The following MFN1 variants were observed in gnomAD, a reference collection of about 807,000 sequenced individuals.
MFN1 encodes the protein mitofusin 1.
MFN1 carries 65 observed loss-of-function variants against 92.4 expected under a neutral mutation model. The observed-to-expected ratio is 0.70, with a 90% CI of 0.58 to 0.86. The LOEUF (loss-of-function observed/expected upper bound fraction) is 0.86, where lower values mean the gene tolerates loss of function less well. Ranked by LOEUF, MFN1 falls within the 40% of genes least tolerant of loss-of-function variation. The pLI is 0.00. For synonymous variants in MFN1, 297 were observed against 300.9 expected (o/e 0.99, Z 0.13); for missense variants, 781 against 868.0 (o/e 0.90, Z 1.26).
intron 14 of MFN1, among the ~76,000 whole-genome samples, chr3:179,379,991 T>C (rs2108551344): frequency 6.6e-6 from 1 of 152,322 alleles, no homozygotes; most frequent in South Asian, 2.1e-4. Flanking sequence ...TCCATCAGCA[T>C]TGCAGTGAAC....
rs186780387 is a variant in MFN1 at position 179,385,898 on chromosome 3, A to T, written c.1815+177A>T. Among the ~76,000 whole-genome samples the T allele has an allele frequency of 1.1e-4, 16 of 152,338 alleles. No homozygotes were observed. In the East Asian group the frequency reaches 2.5e-3, roughly 24 times the overall value. On this transcript the variant is annotated intron_variant, in intron 15 of 17. Coordinates refer to ENST00000471841, the MANE Select transcript of MFN1 (RefSeq NM_033540.3). ...ATCACAAGTTTCATCTTAAATTTTTAAAAAACATACATCTTTAGGAATGAA... is the reference window on the plus strand; with the variant it reads ...ATCACAAGTTTCATCTTAAATTTTTTAAAAACATACATCTTTAGGAATGAA...
intron 14 of MFN1, among the ~76,000 whole-genome samples, chr3:179,382,533 T>C (rs572907220): frequency 1.3e-3 from 194 of 152,328 alleles, no homozygotes; most frequent in Non-Finnish European, 2.3e-3. Flanking sequence ...AGTAAACATA[T>C]GTGTGCATGT....
intron 3 of MFN1, among the ~76,000 whole-genome samples, chr3:179,353,345 C>T (rs1176229756): frequency 6.6e-6 from 1 of 151,568 alleles, no homozygotes; most frequent in African/African-American, 2.4e-5. Context: ...GGATTACAGG[C>T]GTGAGCCACC....
At chr3:179,352,763 T>G (rs1036232848) in intron 3 of MFN1, among the ~76,000 whole-genome samples, 1 of 148,818 alleles carries the variant, frequency 6.7e-6, no homozygotes, top group African/African-American at 2.4e-5. Context: ...ATTTTTTTTT[T>G]CCCCCTGAGA....
At chr3:179,378,048 A>G (rs1322454546) in intron 12 of MFN1, among the ~76,000 whole-genome samples, 1 of 152,042 alleles carries the variant, frequency 6.6e-6, no homozygotes, top group Non-Finnish European at 1.5e-5. Flanking sequence ...CAACAAGAGC[A>G]AAACTCTATC....
chr3:179,373,876 T>C (rs1357090106), intron 9 of MFN1, among the ~76,000 whole-genome samples: 1 of 152,018 alleles, frequency 6.6e-6, no homozygotes, highest in African/African-American at 2.4e-5. Context: ...GGTTTCACCA[T>C]GTTAGCCTGG....
intron 16 of MFN1, among the ~76,000 whole-genome samples, chr3:179,387,473 A>G (rs1192835177): frequency 6.6e-6 from 1 of 151,476 alleles, no homozygotes; most frequent in Non-Finnish European, 1.5e-5. Context: ...TTGACCCTGG[A>G]AGGCAGAGGT....
chr3:179,385,487 T>A (rs931518552), intron 14 of MFN1, 82 bp from the exon 15 acceptor site: 161 of 1,270,700 alleles, frequency 1.3e-4, no homozygotes, highest in Non-Finnish European at 1.8e-5. Context: ...ATAGATGTGC[T>A]ACTATAATTT....
chr3:179,358,096 C>G (rs532980224), intron 3 of MFN1, among the ~76,000 whole-genome samples: 67 of 151,878 alleles, frequency 4.4e-4, no homozygotes, highest in African/African-American at 1.6e-3. Context: ...GATAGAAGAA[C>G]CTGCATTGTC....
Position 179,386,571 on chromosome 3 carries a change from GA to G in MFN1, c.1959del (p.Lys653AsnfsTer2). The stretch of plus-strand genomic sequence containing the variant: ...ACAGCAGTTTGTAAACTATGCAACT[GA>G]AAAACTGAGGATGATTGTTAGCTCC... ...FKQQFVNYAT[E>X]KLRMIVSSTS... On this transcript the variant is annotated frameshift_variant, in exon 16 of 18. Transcript: ENST00000471841. LOFTEE classifies it high-confidence loss of function. 6.2e-7 allele frequency: 1 copy of G among 1,614,000 alleles called. No homozygotes were observed. Among genetic ancestry groups the G allele is most frequent in the Non-Finnish European group, 8.5e-7 (1 of 1,179,970 alleles).
At chr3:179,357,316 C>T (rs942878640) in intron 3 of MFN1, among the ~76,000 whole-genome samples, 10 of 152,142 alleles carry the variant, frequency 6.6e-5, no homozygotes, top group African/African-American at 2.2e-4. Flanking sequence ...GTCCAGACCC[C>T]GGCATGTAAT....
intron 8 of MFN1, 48 bp from the exon 9 acceptor site, chr3:179,367,988 A>G (rs776717453): frequency 1.0e-5 from 13 of 1,274,588 alleles, no homozygotes; most frequent in Non-Finnish European, 1.3e-5. Flanking sequence ...ACCAGAAAAC[A>G]TATCTTGCTA....
intron 3 of MFN1, among the ~76,000 whole-genome samples, chr3:179,358,151 T>TG (rs1001500921): frequency 1.5e-4 from 2 of 12,910 alleles, no homozygotes; most frequent in Non-Finnish European, 3.2e-4. Flanking sequence ...ACTCATTTTG[T>TG]TTTTTTTTTT....
At chr3:179,378,151 G>A (rs533996851) in intron 12 of MFN1, 190 bp from the exon 13 acceptor site, 23 of 572,190 alleles carry the variant, frequency 4.0e-5, no homozygotes, top group African/African-American at 3.4e-4. Context: ...GTGAGCCTAG[G>A]AGGTCAAGGC....
At chr3:179,356,926 G>T (rs1048560184) in intron 3 of MFN1, among the ~76,000 whole-genome samples, 1 of 152,128 alleles carries the variant, frequency 6.6e-6, no homozygotes, top group Non-Finnish European at 1.5e-5. Context: ...GAGGAGATGG[G>T]GGGGAACCTT....
chr3:179,352,365 A>G (rs746776129), intron 3 of MFN1, among the ~76,000 whole-genome samples: 19 of 152,250 alleles, frequency 1.2e-4, no homozygotes, highest in South Asian at 4.1e-4. Context: ...TGAAAGTTTC[A>G]GAAGCTAGGA....
chr3:179,350,069 C>G (rs1438152240), intron 2 of MFN1, among the ~76,000 whole-genome samples: 2 of 151,888 alleles, frequency 1.3e-5, no homozygotes, highest in African/African-American at 2.4e-5. Context: ...GGGAGAATCG[C>G]TTGAACCTGG....
chr3:179,390,150 T>G lies in MFN1; in HGVS notation c.2147+12T>G. ...TCAAAGCTCTTAAGGTATTTAAACC[T>G]TTCTTCTCAATAATTTGAACATTTA... On this transcript the variant is annotated intron_variant, in intron 17 of 17. Transcript: ENST00000471841. 1.3e-6 allele frequency: 2 copies of G among 1,528,468 alleles called. No homozygotes were observed. Among genetic ancestry groups the G allele is most frequent in the Non-Finnish European group, 1.7e-6 (2 of 1,144,542 alleles). 94.7% of individuals were successfully genotyped at this position (1,528,468 alleles called of 1,614,324 possible). A position where few individuals can be genotyped will look rare whatever the true frequency, so the allele number is the denominator to read the frequency against.
In MFN1 at chr3:179,362,463, G is replaced by A; in HGVS notation, c.517G>A (p.Asp173Asn). The A allele has an allele frequency of 6.2e-7, 1 of 1,613,626 alleles. No homozygotes were observed. Among genetic ancestry groups the A allele is most frequent in the East Asian group, 2.2e-5 (1 of 44,862 alleles). ...AGCAAAATGTGCCCTCTTGAGAGAT[G>A]ACCTGGTGTTAGTAGACAGGTAAAA... ...PKAKCALLRD[D>N]LVLVDSPGTD... Residue 173 changes from aspartate (D) to asparagine (N), a missense_variant, in exon 5 of 18, where the codon GAC (aspartate) becomes AAC (asparagine). Physicochemically the swap from Asp to Asn is conservative, Grantham distance 23. Coordinates refer to ENST00000471841, the MANE Select transcript of MFN1 (RefSeq NM_033540.3).
Sources: allele counts gnomAD v4.1 joint callset (sites outside exome capture counted in the v4.1 genomes callset), GRCh38; gene constraint gnomAD v4.1.1; transcripts MANE v1.5; gene names NCBI Gene and HGNC (gene_info 2026-07-23, HGNC 2026-07-21).